Variants in LYST observed in about 807,000 individuals in gnomAD.
LYST encodes lysosomal trafficking regulator, also known as lysosomal-trafficking regulator.
A neutral mutation model predicts 413.6 loss-of-function variants in LYST; 192 were observed. The observed-to-expected ratio is 0.46, with a 90% CI of 0.41 to 0.52. The LOEUF is 0.52. Ranked by LOEUF, LYST falls within the 20% of genes least tolerant of loss-of-function variation. The probability of loss-of-function intolerance (pLI) is 0.00; values close to 1 mark genes in which losing one functional copy is unlikely to be tolerated. For synonymous variants in LYST, 1,525 were observed against 1,567.3 expected (o/e 0.97, Z 0.64); for missense variants, 3,815 against 4,499.9 (o/e 0.85, Z 4.35).
At chr1:235,851,006 C>T (rs1017917420) in intron 1 of LYST, among the ~76,000 whole-genome samples, 2 of 152,166 alleles carry the variant, frequency 1.3e-5, no homozygotes, top group African/African-American at 4.8e-5. Context: ...AACATTGGAT[C>T]TAGCAATCCC....
chr1:235,728,039 T>C (rs765283781), intron 38 of LYST, 37 bp downstream of exon 38: 12 of 1,476,658 alleles, frequency 8.1e-6, no homozygotes, highest in Non-Finnish European at 4.7e-6. Flanking sequence ...GGAATCTGTC[T>C]AGATTTATGT....
At chr1:235,830,653 G>A (rs186862096) in intron 2 of LYST, among the ~76,000 whole-genome samples, 7 of 152,158 alleles carry the variant, frequency 4.6e-5, no homozygotes, top group Non-Finnish European at 5.9e-5. Flanking sequence ...CCTGAGCATA[G>A]CTGAGAATAG....
Position 235,804,599 on chromosome 1 carries a change from T to C in LYST, c.3460A>G (p.Thr1154Ala), listed in dbSNP as rs1672609675. Residue 1154 changes from threonine (T) to alanine (A), a missense_variant, in exon 7 of 53, where the codon ACA (threonine) becomes GCA (alanine). Coordinates refer to ENST00000389793, the MANE Select transcript of LYST (RefSeq NM_000081.4). ...TCAAATAAAGGCTTTGCTAGTTGTGTTTCAATCACCTTTGACTGGGAAAGA... is the reference window on the plus strand; with the variant it reads ...TCAAATAAAGGCTTTGCTAGTTGTGCTTCAATCACCTTTGACTGGGAAAGA... Reference protein sequence around the residue: ...DHLSQSKVIETQLAKPLFDAL... With the variant: ...DHLSQSKVIEAQLAKPLFDAL... 5 of 1,611,282 alleles carry C rather than the reference T, an allele frequency of 3.1e-6. No individual in the cohort carries two copies. In the East Asian group the frequency reaches 8.9e-5, roughly 29 times the overall value.
intron 22 of LYST, among the ~76,000 whole-genome samples, chr1:235,762,118 T>G (rs1243050027): frequency 6.6e-6 from 1 of 151,240 alleles, no homozygotes; most frequent in African/African-American, 2.4e-5. Context: ...AAACTTAAAG[T>G]GTAATTATAA....
At chr1:235,758,234 A>G (rs149698234) in intron 23 of LYST, among the ~76,000 whole-genome samples, 1 of 152,328 alleles carries the variant, frequency 6.6e-6, no homozygotes, top group African/African-American at 2.4e-5. Flanking sequence ...CTCATCACCA[A>G]AGCAAGGTCA....
intron 4 of LYST, among the ~76,000 whole-genome samples, chr1:235,811,824 G>A (rs1451837783): frequency 6.6e-6 from 1 of 152,040 alleles, no homozygotes; most frequent in African/African-American, 2.4e-5. Flanking sequence ...TTCCCCCAAA[G>A]AGCATTAATC....
chr1:235,784,548 T>G (rs1350251467), intron 14 of LYST, among the ~76,000 whole-genome samples: 1 of 152,224 alleles, frequency 6.6e-6, no homozygotes, highest in East Asian at 1.9e-4. Context: ...GGTCAGAGTT[T>G]AGGTTAAACT....
chr1:235,703,312 T>TG (rs1452450941), intron 44 of LYST, among the ~76,000 whole-genome samples: 1 of 152,180 alleles, frequency 6.6e-6, no homozygotes, highest in Non-Finnish European at 1.5e-5. Flanking sequence ...AAGGCAAAAA[T>TG]GAAGTTAAAA....
intron 29 of LYST, among the ~76,000 whole-genome samples, chr1:235,745,156 T>C (rs1454899822): frequency 6.6e-6 from 1 of 152,192 alleles, no homozygotes; most frequent in Non-Finnish European, 1.5e-5. Flanking sequence ...TATGAATACA[T>C]TGTCAAATAA....
intron 18 of LYST, 24 bp from the exon 19 acceptor site, chr1:235,774,015 A>C: frequency 6.6e-7 from 1 of 1,522,862 alleles, no homozygotes; most frequent in Non-Finnish European, 9.1e-7. Context: ...GCATTAATAT[A>C]AGATGCATTA....
chr1:235,813,112 C>A (rs764104541), intron 3 of LYST, 51 bp from the exon 4 acceptor site: 1 of 1,046,726 alleles, frequency 9.6e-7, no homozygotes, highest in South Asian at 1.3e-5. Flanking sequence ...TAAGACACAT[C>A]AGTTCCTAAT....
intron 1 of LYST, among the ~76,000 whole-genome samples, chr1:235,860,739 G>C (rs1350367287): frequency 1.3e-5 from 2 of 152,022 alleles, no homozygotes; most frequent in East Asian, 3.8e-4. Flanking sequence ...AATTTGATAT[G>C]TTCCAACATA....
chr1:235,687,477 G>A (rs1660309858), intron 47 of LYST, among the ~76,000 whole-genome samples: 1 of 152,176 alleles, frequency 6.6e-6, no homozygotes, highest in South Asian at 2.1e-4. Context: ...CATGTAAACA[G>A]AGGTATTGCT....
At chr1:235,835,826 C>T (rs1676511201) in intron 1 of LYST, among the ~76,000 whole-genome samples, 1 of 152,130 alleles carries the variant, frequency 6.6e-6, no homozygotes, top group African/African-American at 2.4e-5. Flanking sequence ...ACTGTTTCAC[C>T]CTCTAGGTCA....
intron 50 of LYST, among the ~76,000 whole-genome samples, chr1:235,665,612 C>CA (rs1285165106): frequency 0.06 from 4,828 of 81,106 alleles, 515 homozygotes; most frequent in African/African-American, 0.17. Flanking sequence ...GACTCTATCT[C>CA]AAAAAAAAAA....
chr1:235,801,947 G>T (rs1672275801), intron 8 of LYST, among the ~76,000 whole-genome samples: 1 of 152,120 alleles, frequency 6.6e-6, no homozygotes, highest in African/African-American at 2.4e-5. Flanking sequence ...TGTAATCCCA[G>T]CACTTTGGGA....
intron 12 of LYST, among the ~76,000 whole-genome samples, chr1:235,789,740 T>C (rs1670803706): frequency 6.6e-6 from 1 of 152,222 alleles, no homozygotes; most frequent in African/African-American, 2.4e-5. Flanking sequence ...ATTTTGAGGC[T>C]GCTGACCAAG....
chr1:235,745,300 G>A (rs1360517170), intron 29 of LYST, among the ~76,000 whole-genome samples: 1 of 152,010 alleles, frequency 6.6e-6, no homozygotes, highest in Non-Finnish European at 1.5e-5. Context: ...GGTGCTCTAA[G>A]TATTACATTT....
rs368573685 is a variant in LYST at position 235,712,143 on chromosome 1, C to T, written c.9839G>A (p.Arg3280Gln). ...AGTCATAGATTCAAAAGATGAGAGTCGCCAAGTTGTATTTGTAGAATGAAA... is the reference window on the plus strand; with the variant it reads ...AGTCATAGATTCAAAAGATGAGAGTTGCCAAGTTGTATTTGTAGAATGAAA... ...RTFHSTNTTW[R>Q]LSSFESMTDV... The change falls in exon 43 of 53, where the codon CGA (arginine) becomes CAA (glutamine). Residue 3280 changes from arginine (R) to glutamine (Q), a missense_variant. By Grantham distance (43) the Arg-to-Gln change is conservative. This residue lies in a region of LYST where 866 missense variants were observed against 1,156.0 expected (regional missense o/e 0.75). Coordinates refer to ENST00000389793, the MANE Select transcript of LYST (RefSeq NM_000081.4). The T allele has an allele frequency of 6.3e-6, 10 of 1,579,722 alleles. No individual in the cohort carries two copies. Among genetic ancestry groups the T allele is most frequent in the East Asian group, 4.6e-5 (2 of 43,830 alleles).
Sources: allele counts gnomAD v4.1 joint callset (sites outside exome capture counted in the v4.1 genomes callset), GRCh38; gene constraint gnomAD v4.1.1; regional missense constraint gnomAD v4.1.1; transcripts MANE v1.5; gene names NCBI Gene and HGNC (gene_info 2026-07-23, HGNC 2026-07-21).